The following NTRK3 variants were observed in gnomAD, a reference collection of about 807,000 sequenced individuals.
The protein encoded by NTRK3 is neurotrophic receptor tyrosine kinase 3, also known as NT-3 growth factor receptor.
In NTRK3, 24 loss-of-function variants were observed where a neutral mutation model predicts 91.7. The observed-to-expected ratio is 0.26, with a 90% CI of 0.19 to 0.37. The LOEUF is 0.37. NTRK3 is among the 10% of genes least tolerant of loss of function. The pLI is 1.00. For synonymous variants in NTRK3, 483 were observed against 404.0 expected (o/e 1.20, Z -2.34); for missense variants, 880 against 1,068.9 (o/e 0.82, Z 2.46).
chr15:87,934,221 T>C (rs181736210), intron 15 of NTRK3, among the ~76,000 whole-genome samples: 2 of 152,246 alleles, frequency 1.3e-5, no homozygotes, highest in African/African-American at 4.8e-5. Context: ...GCGCCCCGAT[T>C]TCTCCAGCCT....
chr15:88,184,522 C>T (rs530196122), intron 3 of NTRK3, among the ~76,000 whole-genome samples: 5 of 152,200 alleles, frequency 3.3e-5, no homozygotes, highest in Admixed American at 1.3e-4. Context: ...TTCATTGGAT[C>T]CAAGTTCCTG....
intron 14 of NTRK3, among the ~76,000 whole-genome samples, chr15:87,966,343 A>G (rs1189076721): frequency 6.6e-6 from 1 of 152,202 alleles, no homozygotes; most frequent in Admixed American, 6.5e-5. Context: ...TGCGAAATTG[A>G]TCTTCAGGAT....
chr15:88,166,624 C>T (rs960599124), intron 5 of NTRK3, among the ~76,000 whole-genome samples: 1 of 152,184 alleles, frequency 6.6e-6, no homozygotes, highest in African/African-American at 2.4e-5. Flanking sequence ...GTATCAGTTT[C>T]CCTCCCAAGA....
chr15:87,940,151 C>A (rs1012331962), intron 15 of NTRK3, among the ~76,000 whole-genome samples: 3 of 152,224 alleles, frequency 2.0e-5, no homozygotes, highest in Non-Finnish European at 2.9e-5. Flanking sequence ...CTGCTGCACC[C>A]CCCTCCCTCA....
At chr15:88,146,708 A>G (rs533728808) in intron 6 of NTRK3, among the ~76,000 whole-genome samples, 1 of 152,328 alleles carries the variant, frequency 6.6e-6, no homozygotes, top group South Asian at 2.1e-4. Context: ...GTCCACATGC[A>G]GATTGAAAAA....
chr15:88,161,542 G>C (rs1393978895), intron 5 of NTRK3, among the ~76,000 whole-genome samples: 1 of 152,172 alleles, frequency 6.6e-6, no homozygotes, highest in Non-Finnish European at 1.5e-5. Flanking sequence ...ACTGAGAGGG[G>C]AATTGGAGTC....
At chr15:88,184,694 G>C (rs1162947804) in intron 3 of NTRK3, among the ~76,000 whole-genome samples, 1 of 151,218 alleles carries the variant, frequency 6.6e-6, no homozygotes, top group Admixed American at 6.6e-5. Context: ...TTTTCCCTTA[G>C]TTATTGCCCA....
intron 13 of NTRK3, among the ~76,000 whole-genome samples, chr15:88,053,994 A>G (rs1196808943): frequency 6.6e-6 from 1 of 152,214 alleles, no homozygotes; most frequent in East Asian, 1.9e-4. Context: ...GCCAAGGTAG[A>G]TAGAATGTGC....
intron 3 of NTRK3, among the ~76,000 whole-genome samples, chr15:88,236,575 G>A (rs541944460): frequency 3.0e-4 from 44 of 147,314 alleles, no homozygotes; most frequent in Non-Finnish European, 4.8e-4. Flanking sequence ...ATACCAACAC[G>A]GGAGCTAAGC....
At chr15:87,898,108 C>A (rs1342535187) in intron 17 of NTRK3, among the ~76,000 whole-genome samples, 1 of 152,180 alleles carries the variant, frequency 6.6e-6, no homozygotes, top group East Asian at 1.9e-4. Flanking sequence ...TTGAAAGATG[C>A]TAATTTCTCA....
chr15:88,240,801 T>A lies in NTRK3; in HGVS notation c.248+15105A>T, dbSNP rs569255262. The stretch of plus-strand genomic sequence containing the variant: ...CCCCAGAGCAGTCATCACACAGCAT[T>A]TGCTGTCACTGTGATGAGCTCAGTT... On this transcript the variant is annotated intron_variant, in intron 3 of 18. Coordinates refer to ENST00000394480, the Ensembl canonical transcript of NTRK3. The surrounding 1 kb of genome is among the most constrained non-coding windows in gnomAD (Gnocchi z 4.9). 6.6e-6 allele frequency among the ~76,000 whole-genome samples: 1 copy of A among 152,318 alleles called. No homozygotes were observed. Among genetic ancestry groups the A allele is most frequent in the South Asian group, 2.1e-4 (1 of 4,826 alleles).
chr15:88,002,706 A>C (rs1479317875), intron 14 of NTRK3, among the ~76,000 whole-genome samples: 1 of 147,606 alleles, frequency 6.8e-6, no homozygotes, highest in East Asian at 1.9e-4. Flanking sequence ...AAAAAAAAAA[A>C]CCTTGCTAGA....
At chr15:88,141,968 G>C (rs973894625) in intron 6 of NTRK3, among the ~76,000 whole-genome samples, 2 of 152,184 alleles carry the variant, frequency 1.3e-5, no homozygotes, top group African/African-American at 4.8e-5. Flanking sequence ...AAGAACTGTG[G>C]GGTATTCCCC....
chr15:87,892,308 A>G (rs761616791), intron 17 of NTRK3, among the ~76,000 whole-genome samples: 1 of 152,226 alleles, frequency 6.6e-6, no homozygotes, highest in African/African-American at 2.4e-5. Flanking sequence ...ACGACTGGAG[A>G]GGGACAAACT....
At chr15:88,136,702 T>C in intron 7 of NTRK3, 93 bp from the exon 8 acceptor site, 1 of 1,494,208 alleles carries the variant, frequency 6.7e-7, no homozygotes, top group Non-Finnish European at 9.0e-7. Context: ...ACTTCTTGCC[T>C]TGCCCAGTAA....
At chr15:88,006,209 C>A (rs1215819413) in intron 14 of NTRK3, among the ~76,000 whole-genome samples, 3 of 152,228 alleles carry the variant, frequency 2.0e-5, no homozygotes, top group African/African-American at 7.2e-5. Flanking sequence ...ATTTTTCCCA[C>A]AACCTCTCAT....
intron 13 of NTRK3, among the ~76,000 whole-genome samples, chr15:88,055,100 T>C (rs901878685): frequency 6.6e-6 from 1 of 152,116 alleles, no homozygotes; most frequent in Non-Finnish European, 1.5e-5. Context: ...GTGTGGTGCA[T>C]CCAGTGAGCT....
intron 13 of NTRK3, among the ~76,000 whole-genome samples, chr15:88,038,588 A>G (rs908510092): frequency 2.0e-5 from 3 of 151,906 alleles, no homozygotes; most frequent in Non-Finnish European, 4.4e-5. Context: ...CAAATGCACC[A>G]CTCTGCGGAG....
At chr15:88,124,055 G>A (rs896746435) in intron 13 of NTRK3, among the ~76,000 whole-genome samples, 2 of 152,078 alleles carry the variant, frequency 1.3e-5, no homozygotes, top group African/African-American at 4.8e-5. Flanking sequence ...TGGTTGGGGG[G>A]CTTAGAATTT....
Sources: gnomAD v4.1 joint callset for allele counts (sites outside exome capture counted in the v4.1 genomes callset) on GRCh38, gnomAD v4.1.1 for gene constraint, Gnocchi (gnomAD v3.1) non-coding constraint, MANE v1.5 for transcripts, NCBI Gene and HGNC (gene_info 2026-07-23, HGNC 2026-07-21) for gene names.